RYR1: variants seen among roughly 807,000 people sequenced by gnomAD.
The protein encoded by RYR1 is ryanodine receptor 1, also known as central core disease of muscle.
In RYR1, 342 loss-of-function variants were observed where a neutral mutation model predicts 583.5. That is an observed-to-expected ratio of 0.59 (90% confidence interval 0.54 to 0.64). RYR1 has a LOEUF of 0.64. Among genes scored for constraint, RYR1 ranks in the 30% least tolerant of loss-of-function variants. RYR1 has a pLI of 0.00. For missense variants in RYR1, 6,032 were observed against 6,917.2 expected (o/e 0.87, Z 4.54); for synonymous variants, 2,791 against 2,822.5 (o/e 0.99, Z 0.35).
At chr19:38,509,453 T>TTA (rs1970629575) in intron 58 of RYR1, among the ~76,000 whole-genome samples, 3 of 100,494 alleles carry the variant, frequency 3.0e-5, no homozygotes, top group East Asian at 5.7e-4. Context: ...TATTATTATT[T>TTA]TTTTTTTTTT....
At chr19:38,489,042 G>A (rs935842430) in intron 34 of RYR1, 135 bp from the exon 35 acceptor site, 5 of 816,108 alleles carry the variant, frequency 6.1e-6, no homozygotes, top group Non-Finnish European at 1.0e-5. Flanking sequence ...TGCCATTCCT[G>A]CTGTGGGAGG....
intron 48 of RYR1, 64 bp from the exon 49 acceptor site, chr19:38,502,816 C>CAGGGGGAGAGGG (rs1329883828): frequency 7.7e-7 from 1 of 1,294,952 alleles, no homozygotes; most frequent in Non-Finnish European, 1.0e-6. Context: ...GGGGGAGGAG[C>CAGGGGGAGAGGG]AGGGGCAGGG....
At chr19:38,495,175 A>G (rs897812310) in intron 39 of RYR1, among the ~76,000 whole-genome samples, 1 of 152,008 alleles carries the variant, frequency 6.6e-6, no homozygotes. Flanking sequence ...TTTGAGCTTC[A>G]GTTTCCTCAT....
intron 88 of RYR1, 116 bp downstream of exon 88, chr19:38,546,642 A>T (rs925965734): frequency 1.2e-6 from 1 of 833,364 alleles, no homozygotes; most frequent in African/African-American, 1.7e-5. Flanking sequence ...TCGTGTCAGG[A>T]TCCATGGGTT....
intron 48 of RYR1, 65 bp downstream of exon 48, chr19:38,502,792 C>CAGGGGCAGGGGT (rs1970226794): frequency 1.5e-6 from 1 of 675,926 alleles, no homozygotes; most frequent in Non-Finnish European, 2.0e-6. Flanking sequence ...GGGGCAGGGG[C>CAGGGGCAGGGGT]AGGGGCAGGG....
intron 2 of RYR1, 46 bp from the exon 3 acceptor site, chr19:38,442,303 T>TG (rs757464470): frequency 4.2e-5 from 50 of 1,176,600 alleles, no homozygotes; most frequent in African/African-American, 2.5e-4. Context: ...GTTGCTGGGG[T>TG]GGGGGGGTCT....
intron 90 of RYR1, among the ~76,000 whole-genome samples, chr19:38,562,296 G>A (rs574059267): frequency 6.6e-6 from 1 of 151,978 alleles, no homozygotes; most frequent in East Asian, 1.9e-4. Context: ...TCACACACTC[G>A]CTTGCCCCAA....
At chr19:38,486,237 C>A (rs756373298) in intron 34 of RYR1, 35 bp downstream of exon 34, 1 of 1,612,466 alleles carries the variant, frequency 6.2e-7, no homozygotes, top group Non-Finnish European at 8.5e-7. Context: ...CTGTCCCATT[C>A]TTCTCCCACA....
At position 38,561,896 on chromosome 19, in the gene RYR1, G is replaced by A. The variant is rs920731706; in HGVS notation, c.12624+442G>A. Among the ~76,000 whole-genome samples, 11 of 152,116 alleles carry A rather than the reference G, an allele frequency of 7.2e-5. No homozygotes were observed. The highest frequency in any genetic ancestry group is 2.0e-4 in the Admixed American group (3 of 15,272). On this transcript the variant is annotated intron_variant, in intron 90 of 105. Transcript: ENST00000359596. This position sits in a 1 kb window ranked among gnomAD's most constrained non-coding sequence, Gnocchi z 4.8. ...GCGTGCCGTCTCTTGGTCCTGGCCC[G>A]CTCATGCTCACTCTTGTACACGCTC...
At chr19:38,523,402 G>A (rs142223496) in intron 69 of RYR1, 93 bp downstream of exon 69, 34 of 1,460,636 alleles carry the variant, frequency 2.3e-5, no homozygotes, top group African/African-American at 2.2e-4. Context: ...CAGCCAGCCC[G>A]TCCTGGGCGC....
At chr19:38,474,564 CTTTTTTTTTTTTTTTTTT>C (rs970000046) in intron 28 of RYR1, among the ~76,000 whole-genome samples, 1 of 88,208 alleles carries the variant, frequency 1.1e-5, no homozygotes, top group Non-Finnish European at 2.2e-5. Context: ...CGCCCGGCTC[CTTTTTTTTTTTTTTTTTT>C]TTTTTTTTTT....
chr19:38,442,233 G>T, intron 2 of RYR1, 116 bp from the exon 3 acceptor site: 1 of 739,898 alleles, frequency 1.4e-6, no homozygotes. Flanking sequence ...GGGTGGGGGT[G>T]GGGTCTGGCG....
At position 38,469,519 on chromosome 19, in the gene RYR1, G is replaced by C. The variant is rs1480502248; in HGVS notation, c.3765+6G>C. On this transcript the variant is annotated splice_donor_region_variant and intron_variant, in intron 27 of 105. Coordinates refer to ENST00000359596, the MANE Select transcript of RYR1 (RefSeq NM_000540.3). ...TTGAACACCCTCACTATGAGGTAAGGACTGAGCCCCTCAATGCCTTCTCAT... is the reference window on the plus strand; with the variant it reads ...TTGAACACCCTCACTATGAGGTAAGCACTGAGCCCCTCAATGCCTTCTCAT... The C allele has an allele frequency of 6.2e-7, 1 of 1,613,580 alleles. No homozygotes were observed.
At chr19:38,437,824 T>A (rs556002878) in intron 1 of RYR1, among the ~76,000 whole-genome samples, 9 of 151,240 alleles carry the variant, frequency 6.0e-5, no homozygotes, top group South Asian at 4.2e-4. Flanking sequence ...TCTACAAAAA[T>A]ATATATATCT....
At chr19:38,492,861 G>A (rs1360962970) in intron 38 of RYR1, among the ~76,000 whole-genome samples, 1 of 152,124 alleles carries the variant, frequency 6.6e-6, no homozygotes, top group Non-Finnish European at 1.5e-5. Context: ...TTGAGGTCAG[G>A]ATTTGGAGAC....
Position 38,565,099 on chromosome 19 carries a change from C to G in RYR1, c.12765C>G (p.Gly4255=), listed in dbSNP as rs746831862. ...CCGCGCAGATCTCGGAGCCCGAGGG[C>G]GAGCCGGAGACCGACGAGGACGAGG... ...QIAAQISEPE[G]EPETDEDEGA... Residue 4255 remains glycine, a synonymous_variant, in exon 91 of 106, where the codon GGC becomes GGG. Transcript: ENST00000359596. The surrounding 1 kb of genome is among the most constrained non-coding windows in gnomAD (Gnocchi z 4.7). The G allele has an allele frequency of 6.5e-7, 1 of 1,548,756 alleles. No individual in the cohort carries two copies. Among genetic ancestry groups the G allele is most frequent in the Non-Finnish European group, 8.7e-7 (1 of 1,150,100 alleles).
At position 38,528,943 on chromosome 19, in the gene RYR1, C is replaced by G. The variant is rs1971608514; in HGVS notation, c.11035-8C>G. 6.2e-7 allele frequency: 1 copy of G among 1,605,314 alleles called. No individual in the cohort carries two copies. The highest frequency in any genetic ancestry group is 1.3e-5 in the African/African-American group (1 of 74,840). On this transcript the variant is annotated splice_region_variant and splice_polypyrimidine_tract_variant and intron_variant, in intron 75 of 105. Coordinates refer to ENST00000359596, the MANE Select transcript of RYR1 (RefSeq NM_000540.3). ...AACCCTCTCCCCAAGTCTCCCCTCT[C>G]CCACCAGAAAGCTGGGGAGCAGGAG...
intron 100 of RYR1, 89 bp downstream of exon 100, chr19:38,580,217 T>A: frequency 6.2e-7 from 1 of 1,601,510 alleles, no homozygotes; most frequent in South Asian, 1.1e-5. Flanking sequence ...GCAGCTGGGC[T>A]GAGGAGGGGC....
intron 64 of RYR1, 48 bp from the exon 65 acceptor site, chr19:38,516,039 C>G: frequency 6.5e-7 from 1 of 1,535,624 alleles, no homozygotes; most frequent in Non-Finnish European, 8.8e-7. Flanking sequence ...GGACCCAGGA[C>G]CCCAAAGAGG....
Sources: allele counts gnomAD v4.1 joint callset (sites outside exome capture counted in the v4.1 genomes callset), GRCh38; gene constraint gnomAD v4.1.1; non-coding constraint Gnocchi (gnomAD v3.1); transcripts MANE v1.5; gene names NCBI Gene and HGNC (gene_info 2026-07-23, HGNC 2026-07-21).